Variants in BMERB1 observed in about 807,000 individuals in gnomAD.
BMERB1 encodes the protein bMERB domain-containing protein 1.
BMERB1 carries 12 observed loss-of-function variants against 23.6 expected under a neutral mutation model. The ratio of observed to expected loss-of-function variants is 0.51; its 90% confidence interval spans 0.33 to 0.82. BMERB1 has a LOEUF of 0.82. Among genes scored for constraint, BMERB1 ranks in the 40% least tolerant of loss-of-function variants. The pLI, the probability that BMERB1 is intolerant of heterozygous loss-of-function variation, is 0.03. For missense variants in BMERB1, 247 were observed against 255.4 expected, an observed-to-expected ratio of 0.97 and a Z score of 0.22; for synonymous variants, 122 against 96.6, an observed-to-expected ratio of 1.26 and a Z score of -1.54.
rs140600149 is a variant in BMERB1 at position 15,521,369 on chromosome 16, C to T, written c.230+5941C>T. 1.2e-3 allele frequency among the ~76,000 whole-genome samples: 189 copies of T among 152,314 alleles called. 4 individuals are homozygous for T. The East Asian group carries it at 0.026, about 21-fold the overall frequency. The stretch of plus-strand genomic sequence containing the variant: ...TGCTGTAGAAAAAGAACCCGGTTCC[C>T]GTAATAACTCTTAAGGCCCACAACA... On this transcript the variant is annotated intron_variant, in intron 2 of 5. Transcript: ENST00000300006.
chr16:15,469,171 G>T (rs1197148904), intron 1 of BMERB1, among the ~76,000 whole-genome samples: 2 of 151,848 alleles, frequency 1.3e-5, no homozygotes, highest in Admixed American at 1.3e-4. Context: ...TCACCATGCT[G>T]GCCGGGCTGG....
chr16:15,504,294 T>C (rs2051560930), intron 1 of BMERB1, among the ~76,000 whole-genome samples: 1 of 152,328 alleles, frequency 6.6e-6, no homozygotes, highest in South Asian at 2.1e-4. Context: ...ATTTTGCAAA[T>C]GTAACATCTG....
At chr16:15,437,666 G>C (rs2050899893) in intron 1 of BMERB1, among the ~76,000 whole-genome samples, 1 of 152,126 alleles carries the variant, frequency 6.6e-6, no homozygotes. Context: ...ACTGTTAAAA[G>C]TCAGGTATAA....
At chr16:15,532,088 C>T (rs1051767732) in intron 2 of BMERB1, among the ~76,000 whole-genome samples, 30 of 152,256 alleles carry the variant, frequency 2.0e-4, no homozygotes, top group African/African-American at 7.2e-4. Context: ...TTACTTAGAT[C>T]TTGTTGTCTC....
intron 2 of BMERB1, among the ~76,000 whole-genome samples, chr16:15,528,769 A>G (rs1326470302): frequency 2.6e-5 from 4 of 152,192 alleles, no homozygotes; most frequent in Non-Finnish European, 2.9e-5. Flanking sequence ...ATATGTCGAC[A>G]TCTAATTCCC....
intron 1 of BMERB1, among the ~76,000 whole-genome samples, chr16:15,496,761 A>G (rs966087792): frequency 2.6e-5 from 4 of 152,024 alleles, no homozygotes; most frequent in African/African-American, 9.7e-5. Context: ...GATGGTCTTG[A>G]TCTCCTGACC....
chr16:15,563,054 A>G (rs774113258), intron 2 of BMERB1, among the ~76,000 whole-genome samples: 1 of 152,092 alleles, frequency 6.6e-6, no homozygotes, highest in Non-Finnish European at 1.5e-5. Flanking sequence ...TCCAAATCTC[A>G]TGTTGAAATT....
At chr16:15,457,977 GTC>G (rs1481930798) in intron 1 of BMERB1, among the ~76,000 whole-genome samples, 2 of 152,096 alleles carry the variant, frequency 1.3e-5, no homozygotes, top group African/African-American at 4.8e-5. Context: ...TAACCATCAG[GTC>G]TCTCGAGAAT....
At chr16:15,488,913 AAAAAAAAAAAGG>A (rs1160853759) in intron 1 of BMERB1, among the ~76,000 whole-genome samples, 2 of 151,368 alleles carry the variant, frequency 1.3e-5, no homozygotes, top group Non-Finnish European at 3.0e-5. Flanking sequence ...AAAAAAAAAA[AAAAAAAAAAAGG>A]AATGTACTAA....
At chr16:15,488,562 G>A (rs115856112) in intron 1 of BMERB1, among the ~76,000 whole-genome samples, 2,093 of 151,912 alleles carry the variant, frequency 0.014, 55 homozygotes, top group African/African-American at 0.049. Flanking sequence ...GGCTGGGCGC[G>A]GTGGCCCACA....
At position 15,436,257 on chromosome 16, in the gene BMERB1, CTTT is replaced by C. The variant is rs35697186; in HGVS notation, c.106+1514_106+1516del. ...GACTAATTATACTCTTTTAGTTTAG[CTTT>C]TTTTTTTTTTTTTTTGAGACGGAGT... On this transcript the variant is annotated intron_variant, in intron 1 of 5. Transcript: ENST00000300006. Among the ~76,000 whole-genome samples, 76 of 114,600 alleles carry C rather than the reference CTTT, an allele frequency of 6.6e-4. 1 individual carries two copies. The Middle Eastern group carries it at 0.014, about 21-fold the overall frequency. The allele number at this position is 114,600 out of a possible 152,430, so 75.2% of individuals were successfully genotyped here.
At chr16:15,537,684 G>T (rs1030815252) in intron 2 of BMERB1, among the ~76,000 whole-genome samples, 6 of 141,588 alleles carry the variant, frequency 4.2e-5, no homozygotes, top group Non-Finnish European at 7.7e-5. Flanking sequence ...TAAGAGACGG[G>T]CTTTCACTCT....
At chr16:15,563,441 G>C (rs1248124909) in intron 2 of BMERB1, among the ~76,000 whole-genome samples, 1 of 151,948 alleles carries the variant, frequency 6.6e-6, no homozygotes, top group Non-Finnish European at 1.5e-5. Flanking sequence ...GGATGGTCTC[G>C]ATCTCCTGAC....
chr16:15,509,144 G>A (rs1030433632), intron 1 of BMERB1, among the ~76,000 whole-genome samples: 7 of 152,034 alleles, frequency 4.6e-5, no homozygotes, highest in African/African-American at 1.7e-4. Context: ...CCTCGCCCCA[G>A]GGTGTGTTGC....
Position 15,514,025 on chromosome 16 carries a change from C to T in BMERB1, c.107-1280C>T, listed in dbSNP as rs115164473. Among the ~76,000 whole-genome samples the T allele has an allele frequency of 8.6e-4, 131 of 152,252 alleles. 1 individual carries two copies. Among genetic ancestry groups the T allele is most frequent in the African/African-American group, 2.9e-3 (119 of 41,540 alleles). On this transcript the variant is annotated intron_variant, in intron 1 of 5. Coordinates refer to ENST00000300006, the MANE Select transcript of BMERB1 (RefSeq NM_033201.3). The stretch of plus-strand genomic sequence containing the variant: ...TATGCTCACGCTTGTAATCCCAGCA[C>T]TTCAGGAGGCCAAGTTGGGAGGATC...
intron 1 of BMERB1, among the ~76,000 whole-genome samples, chr16:15,493,788 T>C (rs2051445642): frequency 6.6e-6 from 1 of 152,208 alleles, no homozygotes; most frequent in Non-Finnish European, 1.5e-5. Context: ...CCTGGTGCAA[T>C]TTATCTCTCC....
At chr16:15,586,221 A>C in intron 5 of BMERB1, among the ~76,000 whole-genome samples, 1 of 152,196 alleles carries the variant, frequency 6.6e-6, no homozygotes, top group African/African-American at 2.4e-5. Context: ...AAGTTATAAA[A>C]CCGAGAGGAT....
chr16:15,544,264 G>A (rs2052111788), intron 2 of BMERB1, among the ~76,000 whole-genome samples: 2 of 152,158 alleles, frequency 1.3e-5, no homozygotes, highest in African/African-American at 4.8e-5. Flanking sequence ...CTCATTAATG[G>A]GTTAAATAAA....
At chr16:15,456,487 CCACCA>C (rs1344265669) in intron 1 of BMERB1, among the ~76,000 whole-genome samples, 1 of 152,088 alleles carries the variant, frequency 6.6e-6, no homozygotes, top group Non-Finnish European at 1.5e-5. Context: ...CAGGCACATG[CCACCA>C]CACCCAGCTA....
Sources: gnomAD v4.1 joint callset for allele counts (sites outside exome capture counted in the v4.1 genomes callset) on GRCh38, gnomAD v4.1.1 for gene constraint, MANE v1.5 for transcripts, NCBI Gene and HGNC (gene_info 2026-07-23, HGNC 2026-07-21) for gene names.